The following RPA1 variants were observed in gnomAD, a reference collection of about 807,000 sequenced individuals.
RPA1 encodes replication protein A 70 kDa DNA-binding subunit.
A neutral mutation model predicts 83.0 loss-of-function variants in RPA1; 49 were observed. The ratio of observed to expected loss-of-function variants is 0.59; its 90% CI spans 0.47 to 0.75. RPA1 has a LOEUF of 0.75. Among genes scored for constraint, RPA1 ranks in the 30% least tolerant of loss-of-function variants. The pLI is 0.00. For synonymous variants in RPA1, 279 were observed against 281.8 expected, an observed-to-expected ratio of 0.99 and a Z score of 0.10; for missense variants, 693 against 776.1, an observed-to-expected ratio of 0.89 and a Z score of 1.27.
Position 1,830,030 on chromosome 17 carries a change from C to T in RPA1, c.-64C>T, listed in dbSNP as rs184577713. The T allele has an allele frequency of 9.7e-6, 12 of 1,241,420 alleles. No individual in the cohort carries two copies. The African/African-American group carries it at 1.7e-4, about 18-fold the overall frequency. 76.9% of individuals were successfully genotyped at this position (1,241,420 alleles called of 1,614,324 possible). On this transcript the variant is annotated 5_prime_UTR_variant, in exon 1 of 17. Transcript: ENST00000254719. ...CTCGGGCCAATAACTGCGCAGCGCG[C>T]GGGACCCGGGTGGGGAAGCTGGAGC... is the stretch of plus-strand genomic sequence containing the variant.
At chr17:1,846,129 T>C (rs1912246559) in intron 4 of RPA1, among the ~76,000 whole-genome samples, 1 of 152,098 alleles carries the variant, frequency 6.6e-6, no homozygotes, top group East Asian at 1.9e-4. Flanking sequence ...GGACTGGCTC[T>C]TTAGTGCCGT....
Position 1,889,396 on chromosome 17 carries a change from TATC to T in RPA1, c.1551+550_1551+552del, listed in dbSNP as rs770572548. On this transcript the variant is annotated intron_variant, in intron 14 of 16. Transcript: ENST00000254719. ...TGTTGCCCAGAATAGAGTGCAATGG[TATC>T]ATCACAGCTCATGGTGGCCCCAACC... 1.8e-4 allele frequency among the ~76,000 whole-genome samples: 28 copies of T among 151,818 alleles called. No individual in the cohort carries two copies. In the East Asian group the frequency reaches 2.9e-3, roughly 16 times the overall value.
rs1209751488 is a variant in RPA1, at chr17:1,884,141, CAG to C, written c.1374+198_1374+199del. On this transcript the variant is annotated intron_variant, in intron 13 of 16. Coordinates refer to ENST00000254719, the MANE Select transcript of RPA1 (RefSeq NM_002945.5). The surrounding 1 kb of genome is among the most constrained non-coding windows in gnomAD (Gnocchi z 4.1). ...GCTCATGGGAATATGTGTTACCCCT[CAG>C]GGGACTGGAGGCAGGAGAGTCTGAA... 2.0e-5 allele frequency among the ~76,000 whole-genome samples: 3 copies of C among 152,134 alleles called. No homozygotes were observed. The highest frequency in any genetic ancestry group is 2.9e-5 in the Non-Finnish European group (2 of 68,022).
intron 5 of RPA1, among the ~76,000 whole-genome samples, chr17:1,868,632 G>A (rs773940413): frequency 2.0e-5 from 3 of 152,118 alleles, no homozygotes; most frequent in Non-Finnish European, 4.4e-5. Flanking sequence ...TTAGCCAGGC[G>A]TGATGGCGGG....
intron 13 of RPA1, among the ~76,000 whole-genome samples, chr17:1,885,432 G>A (rs1913954593): frequency 6.6e-6 from 1 of 152,040 alleles, no homozygotes; most frequent in South Asian, 2.1e-4. Flanking sequence ...AACTCCCGTT[G>A]ATGTTGGGAT....
intron 2 of RPA1, 135 bp downstream of exon 2, chr17:1,842,988 A>T: frequency 1.2e-6 from 1 of 804,514 alleles, no homozygotes; most frequent in South Asian, 1.6e-5. Context: ...AGGCCAGTCT[A>T]CATTGTAACC....
intron 5 of RPA1, among the ~76,000 whole-genome samples, chr17:1,859,573 G>A (rs1321263025): frequency 2.0e-5 from 3 of 152,126 alleles, no homozygotes; most frequent in Non-Finnish European, 4.4e-5. Context: ...GGGAAATTCT[G>A]TGCTTTGAAG....
At chr17:1,881,107 G>A (rs982557524) in intron 12 of RPA1, among the ~76,000 whole-genome samples, 11 of 152,190 alleles carry the variant, frequency 7.2e-5, no homozygotes, top group African/African-American at 2.7e-4. Context: ...GTATTCACTA[G>A]ACTCTGATCA....
intron 12 of RPA1, among the ~76,000 whole-genome samples, chr17:1,883,243 G>A (rs969155342): frequency 2.0e-5 from 3 of 152,020 alleles, no homozygotes; most frequent in East Asian, 1.9e-4. Context: ...TGCAACCTCC[G>A]CCTCCTGAGA....
intron 6 of RPA1, among the ~76,000 whole-genome samples, 182 bp downstream of exon 6, chr17:1,872,708 CTTTTTTT>C (rs34892322): frequency 3.5e-5 from 4 of 113,052 alleles, no homozygotes; most frequent in African/African-American, 6.6e-5. Flanking sequence ...TAAAGATTGT[CTTTTTTT>C]TTTTTTTTTT....
intron 13 of RPA1, among the ~76,000 whole-genome samples, chr17:1,886,409 G>A (rs914794060): frequency 7.2e-5 from 11 of 152,184 alleles, no homozygotes; most frequent in Admixed American, 2.6e-4. Context: ...CTGCATTCGC[G>A]CCTAACAGGA....
At chr17:1,874,088 ACT>A (rs1913495913) in intron 6 of RPA1, among the ~76,000 whole-genome samples, 1 of 149,232 alleles carries the variant, frequency 6.7e-6, no homozygotes, top group Non-Finnish European at 1.5e-5. Flanking sequence ...GGTGAAATAG[ACT>A]CTCTAAAGTG....
intron 11 of RPA1, 57 bp downstream of exon 11, chr17:1,879,756 G>A: frequency 6.2e-7 from 1 of 1,607,552 alleles, no homozygotes; most frequent in African/African-American, 1.3e-5. Flanking sequence ...TTGGGGCGTG[G>A]TCTTGTCCTA....
At chr17:1,891,964 C>T in intron 15 of RPA1, 24 bp downstream of exon 15, 3 of 1,491,786 alleles carry the variant, frequency 2.0e-6, no homozygotes, top group South Asian at 2.4e-5. Context: ...TTTATTATAA[C>T]TTCTATAACT....
At chr17:1,853,556 G>A (rs954558718) in intron 5 of RPA1, among the ~76,000 whole-genome samples, 2 of 152,148 alleles carry the variant, frequency 1.3e-5, no homozygotes, top group Admixed American at 6.5e-5. Flanking sequence ...AGAGGCCTGC[G>A]CCTGTAATCC....
chr17:1,837,385 T>G (rs1341494668), intron 1 of RPA1, among the ~76,000 whole-genome samples: 1 of 152,238 alleles, frequency 6.6e-6, no homozygotes, highest in Non-Finnish European at 1.5e-5. Context: ...TATTGCACAT[T>G]TGGGTTATTT....
chr17:1,867,095 C>T (rs544893358), intron 5 of RPA1, among the ~76,000 whole-genome samples: 1 of 152,158 alleles, frequency 6.6e-6, no homozygotes, highest in East Asian at 1.9e-4. Context: ...TAATTTGATG[C>T]TTTAAATTGG....
rs1913903234 is a variant in RPA1 at position 1,884,013 on chromosome 17, G to GC, written c.1374+69_1374+70insC. The GC allele has an allele frequency of 2.5e-6, 4 of 1,589,704 alleles. No homozygotes were observed. Among genetic ancestry groups the GC allele is most frequent in the Non-Finnish European group, 3.4e-6 (4 of 1,164,474 alleles). On this transcript the variant is annotated intron_variant, in intron 13 of 16. Coordinates refer to ENST00000254719, the MANE Select transcript of RPA1 (RefSeq NM_002945.5). This position sits in a 1 kb window ranked among gnomAD's most constrained non-coding sequence, Gnocchi z 4.1. ...TGCAGAAGGATGGATTTAGAAACTT[G>GC]GTTTCCAGCACCAGCTGTCAGAGCC...
intron 5 of RPA1, among the ~76,000 whole-genome samples, chr17:1,860,344 T>A (rs1597437386): frequency 6.6e-6 from 1 of 151,938 alleles, no homozygotes; most frequent in African/African-American, 2.4e-5. Flanking sequence ...AGGGGCGGGG[T>A]CTCACTTTGT....
Sources: allele counts gnomAD v4.1 joint callset (sites outside exome capture counted in the v4.1 genomes callset), GRCh38; gene constraint gnomAD v4.1.1; non-coding constraint Gnocchi (gnomAD v3.1); transcripts MANE v1.5; gene names NCBI Gene and HGNC (gene_info 2026-07-23, HGNC 2026-07-21).